Variants in CLN6 observed in about 807,000 individuals in gnomAD.
CLN6 encodes the protein CLN6 transmembrane ER protein.
CLN6 carries 22 observed loss-of-function variants against 33.3 expected under a neutral mutation model. That is an observed-to-expected ratio of 0.66 (90% CI 0.47 to 0.94). The LOEUF is 0.94. CLN6 is among the 40% of genes least tolerant of loss of function. The pLI is 0.00. For missense variants in CLN6, 387 were observed against 417.1 expected (o/e 0.93, Z 0.63); for synonymous variants, 201 against 174.6 (o/e 1.15, Z -1.19).
chr15:68,222,202 T>C, intron 1 of CLN6, among the ~76,000 whole-genome samples: 1 of 140,828 alleles, frequency 7.1e-6, no homozygotes, highest in Middle Eastern at 4.6e-3. Context: ...GAGGAGCACC[T>C]CTGCCCAGCC....
chr15:68,216,821 C>T (rs983115405), intron 2 of CLN6, among the ~76,000 whole-genome samples: 12 of 152,150 alleles, frequency 7.9e-5, no homozygotes, highest in Admixed American at 3.3e-4. Flanking sequence ...GGCAGATTCT[C>T]GGAAGGGTAT....
chr15:68,221,723 G>A lies in CLN6; in HGVS notation c.84-3073C>T, dbSNP rs2093236634. On this transcript the variant is annotated intron_variant, in intron 1 of 6. Transcript: ENST00000249806. ...GGGATGTGAGGAGCCCCTCTGCCCG[G>A]CCACCCCATCTGGGAGGTGAGAAGC... Among the ~76,000 whole-genome samples, 4 of 151,208 alleles carry A rather than the reference G, an allele frequency of 2.6e-5. No homozygotes were observed. In the South Asian group the frequency reaches 8.4e-4, roughly 32 times the overall value.
In CLN6 at chr15:68,208,031, T is replaced by C. The variant is rs79572748; in HGVS notation, c.*109A>G. The stretch of plus-strand genomic sequence containing the variant: ...ACGCACACGAGGCACACCCCACTCA[T>C]GCTCTCGGTCTCTGGTTACACACCC... On this transcript the variant is annotated 3_prime_UTR_variant, in exon 7 of 7. Coordinates refer to ENST00000249806, the MANE Select transcript of CLN6 (RefSeq NM_017882.3). This position sits in a 1 kb window ranked among gnomAD's most constrained non-coding sequence, Gnocchi z 5.8. The C allele has an allele frequency of 2.1e-5, 25 of 1,214,934 alleles. No homozygotes were observed. The highest frequency in any genetic ancestry group is 7.5e-5 in the African/African-American group (5 of 66,610). The allele number at this position is 1,214,934 out of a possible 1,614,324, so 75.3% of individuals were successfully genotyped here.
rs1321865093 is a variant in CLN6, at chr15:68,241,577, TGAAG to T, written c.179+15109_179+15112del. On this transcript the variant is annotated intron_variant, in intron 1 of 6. Transcript: ENST00000538696. The surrounding 1 kb of genome is among the most constrained non-coding windows in gnomAD (Gnocchi z 4.2). ...ACCCATGGGAAGCATCATGATTGCCTGAAGGAAGAAATATCTCTGAGGACACTGA... is the reference window on the plus strand; with the variant it reads ...ACCCATGGGAAGCATCATGATTGCCTGAAGAAATATCTCTGAGGACACTGA... 7.2e-5 allele frequency among the ~76,000 whole-genome samples: 11 copies of T among 151,864 alleles called. No homozygotes were observed. Among genetic ancestry groups the T allele is most frequent in the African/African-American group, 2.7e-4 (11 of 41,442 alleles).
rs573914647 is a variant in CLN6, at chr15:68,255,464, T to C, written c.179+1226A>G. ...TCATTTCACTTCCTGAAAGTCAGGG[T>C]CAGCTCATGAAACATTGTTAAACAA... On this transcript the variant is annotated intron_variant, in intron 1 of 6. Transcript: ENST00000538696. Among the ~76,000 whole-genome samples the C allele has an allele frequency of 1.4e-4, 22 of 152,336 alleles. No homozygotes were observed. In the South Asian group the frequency reaches 4.6e-3, roughly 32 times the overall value.
Position 68,254,910 on chromosome 15 carries a change from G to A in CLN6, c.179+1780C>T, listed in dbSNP as rs570700684. The A allele has an allele frequency of 1.9e-5, 21 of 1,122,992 alleles. No individual in the cohort carries two copies. In the African/African-American group the frequency reaches 2.6e-4, roughly 14 times the overall value. 69.6% of individuals were successfully genotyped at this position (1,122,992 alleles called of 1,614,324 possible). On this transcript the variant is annotated intron_variant, in intron 1 of 6. Transcript: ENST00000538696. ...GTGCTGCAGATGCCAAGTGAAGTGT[G>A]TGCATTTTTGATAACTGTGTACTTC...
chr15:68,218,249 T>C, intron 2 of CLN6: 1 of 363,220 alleles, frequency 2.8e-6, no homozygotes, highest in Non-Finnish European at 5.3e-6. Context: ...GTTCACCTGC[T>C]TCCAGACACA....
At position 68,228,778 on chromosome 15, in the gene CLN6, C is replaced by T. The variant is rs1237932134; in HGVS notation, c.83+724G>A. The stretch of plus-strand genomic sequence containing the variant: ...GGACCGTAAGCCTCTCCCACCTTCA[C>T]CCTGCCTACCCCCTTACTGCCTGGC... On this transcript the variant is annotated intron_variant, in intron 1 of 6. Transcript: ENST00000249806. This position sits in a 1 kb window ranked among gnomAD's most constrained non-coding sequence, Gnocchi z 4.4. 6.6e-6 allele frequency among the ~76,000 whole-genome samples: 1 copy of T among 152,154 alleles called. No homozygotes were observed. The highest frequency in any genetic ancestry group is 1.5e-5 in the Non-Finnish European group (1 of 68,038).
In CLN6 at chr15:68,228,038, G is replaced by C. The variant is rs908956579; in HGVS notation, c.83+1464C>G. On this transcript the variant is annotated intron_variant, in intron 1 of 6. Coordinates refer to ENST00000249806, the MANE Select transcript of CLN6 (RefSeq NM_017882.3). This position sits in a 1 kb window ranked among gnomAD's most constrained non-coding sequence, Gnocchi z 4.4. ...GACACGGCGTGGGGCAGACAGCCCG[G>C]GGACTCAGCCAGTCAGGCTCCTCAG... Among the ~76,000 whole-genome samples, 1 of 152,188 alleles carries C rather than the reference G, an allele frequency of 6.6e-6. No homozygotes were observed. Among genetic ancestry groups the C allele is most frequent in the African/African-American group, 2.4e-5 (1 of 41,444 alleles).
In CLN6 at chr15:68,219,633, T is replaced by C. The variant is rs1278108181; in HGVS notation, c.84-983A>G. Among the ~76,000 whole-genome samples, 1 of 152,086 alleles carries C rather than the reference T, an allele frequency of 6.6e-6. No homozygotes were observed. Among genetic ancestry groups the C allele is most frequent in the African/African-American group, 2.4e-5 (1 of 41,412 alleles). ...CCCCACCAGCCCACTGCAGGGAGCA[T>C]TTCAACGCCAACCCAGTCTGGCATA... On this transcript the variant is annotated intron_variant, in intron 1 of 6. Coordinates refer to ENST00000249806, the MANE Select transcript of CLN6 (RefSeq NM_017882.3). The surrounding 1 kb of genome is among the most constrained non-coding windows in gnomAD (Gnocchi z 4.2).
intron 1 of CLN6, among the ~76,000 whole-genome samples, chr15:68,221,558 GT>G (rs1160442620): frequency 2.0e-5 from 3 of 152,170 alleles, no homozygotes; most frequent in Admixed American, 2.0e-4. Flanking sequence ...CTGGAGTGCA[GT>G]GGCGTGATCT....
At chr15:68,224,584 T>A (rs1472285172) in intron 1 of CLN6, among the ~76,000 whole-genome samples, 1 of 137,782 alleles carries the variant, frequency 7.3e-6, no homozygotes, top group Admixed American at 8.0e-5. Context: ...ATGGCACCAC[T>A]GCACTGCCTG....
intron 1 of CLN6, among the ~76,000 whole-genome samples, chr15:68,250,396 G>A (rs1029327265): frequency 6.6e-5 from 10 of 151,870 alleles, no homozygotes; most frequent in African/African-American, 2.4e-4. Context: ...GCTAAGGCAG[G>A]CGGATCAAGA....
At chr15:68,226,943 G>T (rs1185779571) in intron 1 of CLN6, among the ~76,000 whole-genome samples, 1 of 152,202 alleles carries the variant, frequency 6.6e-6, no homozygotes, top group East Asian at 1.9e-4. Context: ...TGGTGCTAGG[G>T]AAGAGTGGGA....
In CLN6 at chr15:68,211,449, C is replaced by T; in HGVS notation, c.487-131G>A. 6.5e-7 allele frequency: 1 copy of T among 1,530,018 alleles called. No homozygotes were observed. Among genetic ancestry groups the T allele is most frequent in the Non-Finnish European group, 9.0e-7 (1 of 1,115,982 alleles). The allele number at this position is 1,530,018 out of a possible 1,614,324, so 94.8% of individuals were successfully genotyped here. A position where few individuals can be genotyped will look rare whatever the true frequency, so the allele number is the denominator to read the frequency against. On this transcript the variant is annotated intron_variant, in intron 4 of 6. Coordinates refer to ENST00000249806, the MANE Select transcript of CLN6 (RefSeq NM_017882.3). This position sits in a 1 kb window ranked among gnomAD's most constrained non-coding sequence, Gnocchi z 5.9. ...CCTCCCCCACTGCCTTATTCCCTAC[C>T]CGGGGCCTCGCCTTCTGTTACAGGG...
At chr15:68,226,318 C>CAAAAAAA (rs35031604) in intron 1 of CLN6, among the ~76,000 whole-genome samples, 1 of 63,236 alleles carries the variant, frequency 1.6e-5, no homozygotes. Flanking sequence ...GACTCCATCT[C>CAAAAAAA]AAAAAAAAAA....
rs916275768 is a variant in CLN6, at chr15:68,208,200, A to G, written c.876T>C (p.Gly292=). 1 of 1,612,220 alleles carries G rather than the reference A, an allele frequency of 6.2e-7. No homozygotes were observed. The change falls in exon 7 of 7, where the codon GGT becomes GGC. Residue 292 remains glycine, a synonymous_variant. Transcript: ENST00000249806. The surrounding 1 kb of genome is among the most constrained non-coding windows in gnomAD (Gnocchi z 5.8). ...NDPVLRKKYP[G]VIYVPEPWAF... Reference sequence around the variant, plus strand: ...CCCAGGGCTCAGGGACGTAGATGACACCCGGGTACTTCTTCCTGAGAACAG... The same window carrying G: ...CCCAGGGCTCAGGGACGTAGATGACGCCCGGGTACTTCTTCCTGAGAACAG...
chr15:68,231,923 G>A (rs1023745560), upstream of CLN6, among the ~76,000 whole-genome samples: 8 of 152,146 alleles, frequency 5.3e-5, no homozygotes, highest in Non-Finnish European at 1.2e-4. Context: ...TTTGGGGGAG[G>A]AGGATAGAGT....
chr15:68,244,590 C>A (rs1216304565), intron 1 of CLN6, among the ~76,000 whole-genome samples: 1 of 152,102 alleles, frequency 6.6e-6, no homozygotes, highest in African/African-American at 2.4e-5. Context: ...GAAAAAAACA[C>A]TAATGTGCCA....
Sources: allele counts gnomAD v4.1 joint callset (sites outside exome capture counted in the v4.1 genomes callset), GRCh38; gene constraint gnomAD v4.1.1; non-coding constraint Gnocchi (gnomAD v3.1); transcripts MANE v1.5; gene names NCBI Gene and HGNC (gene_info 2026-07-23, HGNC 2026-07-21).